Variants in ROBO2 observed in about 807,000 individuals in gnomAD.
ROBO2 encodes the protein roundabout homolog 2.
ROBO2 carries 53 observed loss-of-function variants against 160.8 expected under a neutral mutation model. The ratio of observed to expected loss-of-function variants is 0.33; its 90% confidence interval spans 0.26 to 0.41. ROBO2 has a LOEUF of 0.41. Ranked by LOEUF, ROBO2 falls within the 10% of genes least tolerant of loss-of-function variation. The pLI, the probability that ROBO2 is intolerant of heterozygous loss-of-function variation, is 1.00. For missense variants in ROBO2, 1,577 were observed against 1,722.4 expected (o/e 0.92, Z 1.49); for synonymous variants, 664 against 611.7 (o/e 1.09, Z -1.26).
At chr3:77,389,346 TA>T (rs902183745) in intron 2 of ROBO2, among the ~76,000 whole-genome samples, 6 of 151,586 alleles carry the variant, frequency 4.0e-5, no homozygotes, top group African/African-American at 7.3e-5. Context: ...ATTTAAAATT[TA>T]AAAAAAAATC....
At chr3:77,230,562 C>G (rs1001911346) in intron 2 of ROBO2, among the ~76,000 whole-genome samples, 5 of 152,186 alleles carry the variant, frequency 3.3e-5, no homozygotes, top group Non-Finnish European at 5.9e-5. Context: ...TGTATTCGCA[C>G]CAAATGGAAC....
At chr3:76,110,009 T>A (rs1456574576) in intron 2 of ROBO2, among the ~76,000 whole-genome samples, 1 of 151,406 alleles carries the variant, frequency 6.6e-6, no homozygotes, top group Non-Finnish European at 1.5e-5. Context: ...TTTTTATGAC[T>A]AAGTAGTATT....
At chr3:76,344,591 CT>C (rs2074414916) in intron 2 of ROBO2, among the ~76,000 whole-genome samples, 1 of 152,100 alleles carries the variant, frequency 6.6e-6, no homozygotes, top group African/African-American at 2.4e-5. Flanking sequence ...AGAAAAGGCT[CT>C]ATTACTTGGT....
chr3:77,500,901 C>G (rs2087497522), intron 5 of ROBO2, among the ~76,000 whole-genome samples: 1 of 152,160 alleles, frequency 6.6e-6, no homozygotes, highest in Non-Finnish European at 1.5e-5. Flanking sequence ...CAGTGGTCAA[C>G]TAACAAGCTG....
At chr3:76,034,039 G>A (rs1191716594) in intron 2 of ROBO2, among the ~76,000 whole-genome samples, 1 of 152,170 alleles carries the variant, frequency 6.6e-6, no homozygotes, top group African/African-American at 2.4e-5. Flanking sequence ...AGGAGTTAAA[G>A]AAATAGACTT....
At chr3:76,434,312 G>T in intron 2 of ROBO2, 1 of 1,103,586 alleles carries the variant, frequency 9.1e-7, no homozygotes, top group Middle Eastern at 2.2e-4. Flanking sequence ...CCAATTTGTT[G>T]GCACCCATCT....
intron 2 of ROBO2, among the ~76,000 whole-genome samples, chr3:76,850,281 C>T (rs1007235668): frequency 2.0e-5 from 3 of 152,038 alleles, no homozygotes; most frequent in Non-Finnish European, 4.4e-5. Context: ...GACTATGTAA[C>T]TTTCTTCCAT....
At chr3:76,348,171 C>T (rs1226262398) in intron 2 of ROBO2, among the ~76,000 whole-genome samples, 8 of 151,706 alleles carry the variant, frequency 5.3e-5, no homozygotes, top group Admixed American at 2.6e-4. Flanking sequence ...CAGCATCATC[C>T]GCCCAAGCAC....
intron 2 of ROBO2, among the ~76,000 whole-genome samples, chr3:76,183,679 A>C (rs759103933): frequency 4.9e-4 from 75 of 152,082 alleles, no homozygotes; most frequent in Admixed American, 4.9e-3. Flanking sequence ...CAGAAAATTT[A>C]AGGATACACT....
At chr3:76,838,775 C>T (rs1469485425) in intron 2 of ROBO2, among the ~76,000 whole-genome samples, 3 of 148,884 alleles carry the variant, frequency 2.0e-5, no homozygotes, top group South Asian at 2.2e-4. Flanking sequence ...TCCTACTCTA[C>T]CCTTGGTGAA....
chr3:77,550,782 A>G, intron 7 of ROBO2, 36 bp from the exon 9 acceptor site: 1 of 1,610,342 alleles, frequency 6.2e-7, no homozygotes, highest in Non-Finnish European at 8.5e-7. Flanking sequence ...TTTAAGTGGA[A>G]AATGAATATT....
rs1306305555 is a variant in ROBO2, at chr3:76,049,401, A to ATTTTTTTTTTTTTTTTTTT, written c.109+111800_109+111801insTTTTTTTTTTTTTTTTTTT. On this transcript the variant is annotated intron_variant, in intron 2 of 26. Transcript: ENST00000487694. Reference sequence around the variant, plus strand: ...AATTTTAGTATATATATATATATATATATTTTTTTTTTTTTTTTTTTTTGT... The same window carrying ATTTTTTTTTTTTTTTTTTT: ...AATTTTAGTATATATATATATATATATTTTTTTTTTTTTTTTTTTTATTTTTTTTTTTTTTTTTTTTTGT... Among the ~76,000 whole-genome samples the ATTTTTTTTTTTTTTTTTTT allele has an allele frequency of 7.8e-5, 5 of 63,736 alleles. 1 individual carries two copies. The highest frequency in any genetic ancestry group is 1.2e-4 in the Non-Finnish European group (5 of 40,378). The allele number at this position is 63,736 out of a possible 152,430, so 41.8% of individuals were successfully genotyped here. A position where few individuals can be genotyped will look rare whatever the true frequency, so the allele number is the denominator to read the frequency against.
At chr3:77,514,928 A>T (rs1335436151) in intron 5 of ROBO2, among the ~76,000 whole-genome samples, 1 of 151,742 alleles carries the variant, frequency 6.6e-6, no homozygotes, top group Non-Finnish European at 1.5e-5. Context: ...GGGAAAGCAG[A>T]GACTGGTAGT....
At chr3:77,538,914 AT>A (rs1559568885) in intron 6 of ROBO2, 4 of 471,222 alleles carry the variant, frequency 8.5e-6, no homozygotes, top group African/African-American at 2.0e-5. Flanking sequence ...AAACTTTTTA[AT>A]TTTTTTTCTT....
intron 2 of ROBO2, among the ~76,000 whole-genome samples, chr3:76,992,889 C>T (rs973576861): frequency 5.9e-5 from 9 of 152,112 alleles, no homozygotes; most frequent in African/African-American, 2.2e-4. Flanking sequence ...AAAATCCTGG[C>T]TCACTGCAGC....
intron 2 of ROBO2, among the ~76,000 whole-genome samples, chr3:76,934,443 T>A (rs56164973): frequency 0.055 from 5,458 of 99,844 alleles, 301 homozygotes; most frequent in African/African-American, 0.18. Context: ...ATGGTTCAAT[T>A]AAAGAAAAAA....
intron 17 of ROBO2, among the ~76,000 whole-genome samples, chr3:77,593,424 T>C (rs1295077071): frequency 6.6e-6 from 1 of 152,200 alleles, no homozygotes; most frequent in Non-Finnish European, 1.5e-5. Flanking sequence ...GATTCCTGAT[T>C]TCCCGCATTT....
intron 2 of ROBO2, among the ~76,000 whole-genome samples, chr3:76,807,315 A>G (rs2064807947): frequency 6.6e-6 from 1 of 152,038 alleles, no homozygotes; most frequent in Non-Finnish European, 1.5e-5. Flanking sequence ...ATTAGTTTTC[A>G]GCTTCAGTAT....
At chr3:76,567,811 T>A (rs71626806) in intron 2 of ROBO2, among the ~76,000 whole-genome samples, 33,188 of 108,056 alleles carry the variant, frequency 0.31, 6,523 homozygotes, top group Non-Finnish European at 0.42. Context: ...ATATATATTT[T>A]TTTTTTTTTT....
Sources: gnomAD v4.1 joint callset for allele counts (sites outside exome capture counted in the v4.1 genomes callset) on GRCh38, gnomAD v4.1.1 for gene constraint, MANE v1.5 for transcripts, NCBI Gene and HGNC (gene_info 2026-07-23, HGNC 2026-07-21) for gene names.